Variants in RALGAPA2 observed in about 807,000 individuals in gnomAD.
The protein encoded by RALGAPA2 is Ral GTPase activating protein catalytic subunit alpha 2, also known as ral GTPase-activating protein subunit alpha-2.
Under a neutral mutation model 230.4 loss-of-function variants are expected in RALGAPA2, and 139 were observed. The observed-to-expected ratio is 0.60, with a 90% CI of 0.53 to 0.69. The LOEUF (loss-of-function observed/expected upper bound fraction) is 0.69. RALGAPA2 is among the 30% of genes least tolerant of loss of function. RALGAPA2 has a pLI of 0.00. For synonymous variants in RALGAPA2, 847 were observed against 837.8 expected, an observed-to-expected ratio of 1.01 and a Z score of -0.19; for missense variants, 2,163 against 2,276.0, an observed-to-expected ratio of 0.95 and a Z score of 1.01.
chr20:20,405,637 C>T (rs985448260), intron 38 of RALGAPA2, among the ~76,000 whole-genome samples: 1 of 152,188 alleles, frequency 6.6e-6, no homozygotes, highest in Non-Finnish European at 1.5e-5. Flanking sequence ...ACAAGGTGAT[C>T]GATAATTCCC....
Position 20,503,418 on chromosome 20 carries a change from G to A in RALGAPA2, c.5141C>T (p.Thr1714Ile). 1.2e-6 allele frequency: 2 copies of A among 1,607,434 alleles called. No homozygotes were observed. The highest frequency in any genetic ancestry group is 1.7e-6 in the Non-Finnish European group (2 of 1,175,962). The change falls in exon 35 of 40, where the codon ACT becomes ATT. Residue 1714 changes from threonine to isoleucine, a missense_variant. Physicochemically the swap from Thr to Ile is moderately conservative, Grantham distance 89. Coordinates refer to ENST00000202677, the MANE Select transcript of RALGAPA2 (RefSeq NM_020343.4). ...GQTAPYYATS[T>I]VEVIFHVSTR... Reference sequence around the variant, plus strand: ...GGAAACATGGAAAATCACTTCCACAGTTGAGGTAGCATAGTAAGGGGCCGT... The same window carrying A: ...GGAAACATGGAAAATCACTTCCACAATTGAGGTAGCATAGTAAGGGGCCGT...
chr20:20,460,735 G>A (rs1378029914), intron 37 of RALGAPA2, among the ~76,000 whole-genome samples: 2 of 152,204 alleles, frequency 1.3e-5, no homozygotes, highest in Non-Finnish European at 1.5e-5. Flanking sequence ...CAAACCCACT[G>A]AGGAAACTGG....
intron 1 of RALGAPA2, among the ~76,000 whole-genome samples, chr20:20,699,301 C>G (rs2069247042): frequency 6.6e-6 from 1 of 152,066 alleles, no homozygotes; most frequent in Non-Finnish European, 1.5e-5. Flanking sequence ...TAAATATTTG[C>G]AATATGACAC....
rs1302416658 is a variant in RALGAPA2 at position 20,707,667 on chromosome 20, T to A, written c.106+4708A>T. Reference sequence around the variant, plus strand: ...GCTCTGTTTGTATATACAGCATTTGTGAGAGACGGTTCTCTACTCTCTGGT... The same window carrying A: ...GCTCTGTTTGTATATACAGCATTTGAGAGAGACGGTTCTCTACTCTCTGGT... On this transcript the variant is annotated intron_variant, in intron 1 of 39. Coordinates refer to ENST00000202677, the MANE Select transcript of RALGAPA2 (RefSeq NM_020343.4). Among the ~76,000 whole-genome samples, 5 of 152,264 alleles carry A rather than the reference T, an allele frequency of 3.3e-5. No homozygotes were observed. In the East Asian group the frequency reaches 9.6e-4, roughly 29 times the overall value.
intron 18 of RALGAPA2, among the ~76,000 whole-genome samples, chr20:20,585,982 A>T (rs1352406532): frequency 1.3e-5 from 2 of 152,228 alleles, no homozygotes; most frequent in East Asian, 3.8e-4. Context: ...AAATATTTAG[A>T]AGATTTAGAG....
rs3748444 is a variant in RALGAPA2, at chr20:20,391,808, C to T, written c.*1481G>A. On this transcript the variant is annotated 3_prime_UTR_variant, in exon 40 of 40. Transcript: ENST00000202677. ...GGCACAGGAAGGTGGGGAGGCCTCC[C>T]GCACAGGGCCCGCCTTTCCCAGGAC... is the stretch of plus-strand genomic sequence containing the variant. 0.52 allele frequency: 79,385 copies of T among 152,556 alleles called. 20,641 individuals are homozygous for T. The highest frequency in any genetic ancestry group is 0.54 in the Non-Finnish European group (36,700 of 68,330). The allele number at this position is 152,556 out of a possible 1,614,324, so 9.5% of individuals were successfully genotyped here. A position where few individuals can be genotyped will look rare whatever the true frequency, so the allele number is the denominator to read the frequency against.
chr20:20,604,464 G>A (rs1327201624), intron 15 of RALGAPA2, among the ~76,000 whole-genome samples: 2 of 152,192 alleles, frequency 1.3e-5, no homozygotes, highest in Non-Finnish European at 2.9e-5. Flanking sequence ...TTCCTAGAGA[G>A]GCTGTAGAAT....
intron 2 of RALGAPA2, among the ~76,000 whole-genome samples, chr20:20,678,637 C>A (rs2068417748): frequency 6.6e-6 from 1 of 152,282 alleles, no homozygotes; most frequent in African/African-American, 2.4e-5. Flanking sequence ...TTATCTCCCC[C>A]TCCAGCTGAC....
intron 23 of RALGAPA2, among the ~76,000 whole-genome samples, chr20:20,556,377 A>C (rs1289463092): frequency 6.6e-6 from 1 of 152,224 alleles, no homozygotes; most frequent in East Asian, 1.9e-4. Flanking sequence ...GGGAGATGGC[A>C]AACCTATTAG....
chr20:20,458,012 G>A (rs546564256), intron 37 of RALGAPA2, among the ~76,000 whole-genome samples: 10 of 152,322 alleles, frequency 6.6e-5, no homozygotes, highest in African/African-American at 2.2e-4. Flanking sequence ...TGGCAGTGAC[G>A]TGGCTGACTC....
intron 9 of RALGAPA2, among the ~76,000 whole-genome samples, chr20:20,632,594 CTGAG>C (rs1429635266): frequency 6.6e-6 from 1 of 152,158 alleles, no homozygotes; most frequent in African/African-American, 2.4e-5. Flanking sequence ...CTTTTTTGAA[CTGAG>C]TGACAATCAC....
chr20:20,641,503 T>C (rs2067029354), intron 5 of RALGAPA2, among the ~76,000 whole-genome samples: 1 of 152,132 alleles, frequency 6.6e-6, no homozygotes, highest in African/African-American at 2.4e-5. Context: ...CTCCAACACC[T>C]TTGCCATGCT....
chr20:20,677,666 T>C (rs1300092956), intron 2 of RALGAPA2, among the ~76,000 whole-genome samples: 15 of 124,654 alleles, frequency 1.2e-4, no homozygotes, highest in Admixed American at 5.3e-4. Context: ...TTTTTTGAGA[T>C]GGAGTCTCAC....
intron 23 of RALGAPA2, among the ~76,000 whole-genome samples, chr20:20,554,309 C>T (rs1195339844): frequency 1.3e-5 from 2 of 152,182 alleles, no homozygotes; most frequent in South Asian, 4.1e-4. Context: ...GGTTCATCCA[C>T]GTTGTGGCAC....
chr20:20,446,866 G>A (rs746277504), intron 37 of RALGAPA2, among the ~76,000 whole-genome samples: 2 of 152,142 alleles, frequency 1.3e-5, no homozygotes, highest in Non-Finnish European at 2.9e-5. Context: ...GCCCAAACTC[G>A]CACTTAGGAA....
chr20:20,477,087 C>A (rs1040516744), intron 36 of RALGAPA2, among the ~76,000 whole-genome samples: 4 of 152,236 alleles, frequency 2.6e-5, no homozygotes, highest in South Asian at 4.2e-4. Flanking sequence ...AGATGGGGCA[C>A]GAGCAAGAAT....
intron 32 of RALGAPA2, 32 bp from the exon 33 acceptor site, chr20:20,511,357 T>A (rs1401953962): frequency 6.5e-7 from 1 of 1,534,214 alleles, no homozygotes; most frequent in African/African-American, 1.4e-5. Context: ...AGAAAAACCA[T>A]GTGATTACAG....
In RALGAPA2 at chr20:20,507,853, A is replaced by G. The variant is rs75344325; in HGVS notation, c.4929-2319T>C. On this transcript the variant is annotated intron_variant, in intron 33 of 39. Transcript: ENST00000202677. Reference sequence around the variant, plus strand: ...TAACAGAAACCATAACCTATGACCTAAAAGACTGTCTCTTTCAACAAAAGT... The same window carrying G: ...TAACAGAAACCATAACCTATGACCTGAAAGACTGTCTCTTTCAACAAAAGT... Among the ~76,000 whole-genome samples, 835 of 152,278 alleles carry G rather than the reference A, an allele frequency of 5.5e-3. 11 individuals are homozygous for G. Among genetic ancestry groups the G allele is most frequent in the African/African-American group, 0.019 (798 of 41,550 alleles).
intron 1 of RALGAPA2, among the ~76,000 whole-genome samples, chr20:20,699,457 C>A (rs771708363): frequency 6.6e-6 from 1 of 152,066 alleles, no homozygotes; most frequent in African/African-American, 2.4e-5. Context: ...TCCATGGAAT[C>A]GAGAGAGAGT....
Sources: gnomAD v4.1 joint callset for allele counts (sites outside exome capture counted in the v4.1 genomes callset) on GRCh38, gnomAD v4.1.1 for gene constraint, MANE v1.5 for transcripts, NCBI Gene and HGNC (gene_info 2026-07-23, HGNC 2026-07-21) for gene names.